The following CLIP1 variants were observed in gnomAD, a reference collection of about 807,000 sequenced individuals.
The protein encoded by CLIP1 is CAP-Gly domain-containing linker protein 1.
Under a neutral mutation model 161.6 loss-of-function variants are expected in CLIP1, and 66 were observed. The ratio of observed to expected loss-of-function variants is 0.41; its 90% CI spans 0.33 to 0.50. The LOEUF (loss-of-function observed/expected upper bound fraction) is 0.50. Ranked by LOEUF, CLIP1 falls within the 20% of genes least tolerant of loss-of-function variation. The pLI is 0.27. For synonymous variants in CLIP1, 598 were observed against 626.2 expected (o/e 0.96, Z 0.67); for missense variants, 1,376 against 1,702.0 (o/e 0.81, Z 3.37).
At chr12:122,298,996 C>A (rs181486535) in intron 20 of CLIP1, among the ~76,000 whole-genome samples, 316 of 152,146 alleles carry the variant, frequency 2.1e-3, no homozygotes, top group African/African-American at 6.9e-3. Context: ...GGCTACAGGG[C>A]GGGGGTATCG....
chr12:122,388,297 G>C (rs1955416515), intron 1 of CLIP1, among the ~76,000 whole-genome samples: 2 of 151,260 alleles, frequency 1.3e-5, no homozygotes, highest in Admixed American at 1.3e-4. Flanking sequence ...TCGGCTCACT[G>C]CAAGCTCCGC....
At chr12:122,283,461 CTT>C (rs1305137720) in intron 21 of CLIP1, among the ~76,000 whole-genome samples, 7 of 140,178 alleles carry the variant, frequency 5.0e-5, no homozygotes, top group Middle Eastern at 3.4e-3. Context: ...TCTTTCTTTT[CTT>C]TTTTTTTTTT....
At chr12:122,379,704 GA>G (rs1303151243) in intron 2 of CLIP1, among the ~76,000 whole-genome samples, 2 of 151,780 alleles carry the variant, frequency 1.3e-5, no homozygotes, top group African/African-American at 4.8e-5. Context: ...AGCACTTTGG[GA>G]GGCTGTGGTA....
chr12:122,288,808 CTTTTTTTTTTT>C (rs200069106), intron 20 of CLIP1, among the ~76,000 whole-genome samples: 30,558 of 114,836 alleles, frequency 0.27, 4,582 homozygotes, highest in East Asian at 0.66. Context: ...CGAAGCACAT[CTTTTTTTTTTT>C]TTTTTTTTTT....
At chr12:122,361,568 T>C (rs1953809256) in intron 4 of CLIP1, among the ~76,000 whole-genome samples, 1 of 152,186 alleles carries the variant, frequency 6.6e-6, no homozygotes, top group Non-Finnish European at 1.5e-5. Flanking sequence ...GGCAGATCCA[T>C]TAAAGTAAAC....
At chr12:122,292,960 A>G (rs1324538148) in intron 20 of CLIP1, among the ~76,000 whole-genome samples, 17 of 145,448 alleles carry the variant, frequency 1.2e-4, no homozygotes, top group Non-Finnish European at 1.8e-4. Context: ...CCGAGATAGC[A>G]CCACTGCAGT....
At chr12:122,363,866 TA>T in intron 4 of CLIP1, 116 bp downstream of exon 4, 1 of 1,419,092 alleles carries the variant, frequency 7.0e-7, no homozygotes, top group Non-Finnish European at 9.7e-7. Context: ...TCTTAGGAAA[TA>T]AAAGTGCCAC....
rs376535511 is a variant in CLIP1, at chr12:122,372,345, G to A, written c.657+5044C>T. Among the ~76,000 whole-genome samples the A allele has an allele frequency of 1.4e-4, 22 of 152,072 alleles. No homozygotes were observed. In the East Asian group the frequency reaches 2.5e-3, roughly 17 times the overall value. ...TGAGACAGGAGAATCACTTGAACCC[G>A]GGAGGCGGAGGTTGCAGTGAGATTG... On this transcript the variant is annotated intron_variant, in intron 3 of 25. Coordinates refer to ENST00000620786, the MANE Select transcript of CLIP1 (RefSeq NM_001247997.2).
At chr12:122,290,834 A>G (rs1950218163) in intron 20 of CLIP1, among the ~76,000 whole-genome samples, 1 of 151,624 alleles carries the variant, frequency 6.6e-6, no homozygotes, top group Admixed American at 6.6e-5. Context: ...AGCAAGCTGC[A>G]TCTAGCAGTT....
chr12:122,284,553 T>C (rs1414537631), intron 21 of CLIP1, among the ~76,000 whole-genome samples: 1 of 152,136 alleles, frequency 6.6e-6, no homozygotes, highest in African/African-American at 2.4e-5. Flanking sequence ...GGTTTCACCA[T>C]GTTGGCCAGG....
chr12:122,273,625 T>C (rs1390964931), intron 25 of CLIP1, among the ~76,000 whole-genome samples: 1 of 151,190 alleles, frequency 6.6e-6, no homozygotes, highest in Non-Finnish European at 1.5e-5. Flanking sequence ...AATCTATTTA[T>C]GGCAAAGGAA....
chr12:122,299,003 A>G (rs1225435748), intron 20 of CLIP1, among the ~76,000 whole-genome samples: 1 of 152,202 alleles, frequency 6.6e-6, no homozygotes, highest in Non-Finnish European at 1.5e-5. Flanking sequence ...GGGCGGGGGT[A>G]TCGTGACTGC....
chr12:122,319,334 C>T lies in CLIP1; in HGVS notation c.3264G>A (p.Ala1088=), dbSNP rs757261205. 3.8e-5 allele frequency: 61 copies of T among 1,613,528 alleles called. No individual in the cohort carries two copies. The highest frequency in any genetic ancestry group is 1.3e-4 in the East Asian group (6 of 44,900). The part of the protein sequence containing the change: ...QADKAKAAQT[A]EDAMQIMEQM... ...GTTCCATTATCTGCATGGCATCTTC[C>T]GCTGTTTGAGCAGCCTAAATACAAG... Residue 1088 remains alanine (A), a synonymous_variant, in exon 18 of 26, where the codon GCG becomes GCA. Coordinates refer to ENST00000620786, the MANE Select transcript of CLIP1 (RefSeq NM_001247997.2).
At chr12:122,349,747 AG>A (rs1436637254) in intron 9 of CLIP1, among the ~76,000 whole-genome samples, 2 of 152,362 alleles carry the variant, frequency 1.3e-5, no homozygotes, top group African/African-American at 2.4e-5. Context: ...CAGGAAAGGC[AG>A]GGGGGAAATC....
chr12:122,415,481 CAAAAAAAA>C (rs546640412), intron 1 of CLIP1, among the ~76,000 whole-genome samples: 2 of 78,816 alleles, frequency 2.5e-5, no homozygotes, highest in East Asian at 4.1e-4. Context: ...GACTCCATCT[CAAAAAAAA>C]AAAAAAAAAA....
rs1193329675 is a variant in CLIP1, at chr12:122,311,374, G to A, written c.3474-1492C>T. Reference sequence around the variant, plus strand: ...GACACATCAAGGAAGTAATCTAAAAGTGGCCAAAGTATCCTAAAGCATTGA... The same window carrying A: ...GACACATCAAGGAAGTAATCTAAAAATGGCCAAAGTATCCTAAAGCATTGA... On this transcript the variant is annotated intron_variant, in intron 19 of 25. Coordinates refer to ENST00000620786, the MANE Select transcript of CLIP1 (RefSeq NM_001247997.2). The surrounding 1 kb of genome is among the most constrained non-coding windows in gnomAD (Gnocchi z 4.3). 6.6e-6 allele frequency among the ~76,000 whole-genome samples: 1 copy of A among 151,926 alleles called. No individual in the cohort carries two copies. The highest frequency in any genetic ancestry group is 1.5e-5 in the Non-Finnish European group (1 of 67,992).
Position 122,355,535 on chromosome 12 carries a change from G to A in CLIP1, c.1006-223C>T. On this transcript the variant is annotated intron_variant, in intron 5 of 25. Transcript: ENST00000620786. The surrounding 1 kb of genome is among the most constrained non-coding windows in gnomAD (Gnocchi z 4.1). ...ATCAACGTAAAGAGATCAGCCAGGTGCGGTGGCTCATGCCTGTAATCCTAG... is the reference window on the plus strand; with the variant it reads ...ATCAACGTAAAGAGATCAGCCAGGTACGGTGGCTCATGCCTGTAATCCTAG... 1 of 519,462 alleles carries A rather than the reference G, an allele frequency of 1.9e-6. No individual in the cohort carries two copies. Among genetic ancestry groups the A allele is most frequent in the South Asian group, 2.2e-5 (1 of 46,168 alleles). 32.2% of individuals were successfully genotyped at this position (519,462 alleles called of 1,614,324 possible). A position where few individuals can be genotyped will look rare whatever the true frequency, so the allele number is the denominator to read the frequency against.
At chr12:122,342,425 T>C (rs1443745073) in intron 10 of CLIP1, 1 of 152,238 alleles carries the variant, frequency 6.6e-6, no homozygotes, top group Non-Finnish European at 1.5e-5. Context: ...GAACAGTAGC[T>C]GTTGGCCACA....
intron 1 of CLIP1, among the ~76,000 whole-genome samples, chr12:122,421,680 A>AG (rs533842723): frequency 1.0e-3 from 152 of 152,246 alleles, no homozygotes; most frequent in African/African-American, 3.4e-3. Context: ...CTGTGCAGGG[A>AG]GGAGGGGGTG....
Sources: gnomAD v4.1 joint callset for allele counts (sites outside exome capture counted in the v4.1 genomes callset) on GRCh38, gnomAD v4.1.1 for gene constraint, Gnocchi (gnomAD v3.1) non-coding constraint, MANE v1.5 for transcripts, NCBI Gene and HGNC (gene_info 2026-07-23, HGNC 2026-07-21) for gene names.